The following NAA11 variants were observed in gnomAD, a reference collection of about 807,000 sequenced individuals.
The protein encoded by NAA11 is N-alpha-acetyltransferase 11.
In NAA11, 15 loss-of-function variants were observed where a neutral mutation model predicts 16.1. The ratio of observed to expected loss-of-function variants is 0.93; its 90% CI spans 0.62 to 1.44. The LOEUF is 1.44. Among genes scored for constraint, NAA11 ranks in the 40% most tolerant of loss-of-function variants. The pLI is 0.00. For missense variants in NAA11, 298 were observed against 291.3 expected, an observed-to-expected ratio of 1.02 and a Z score of -0.17; for synonymous variants, 122 against 112.4, an observed-to-expected ratio of 1.09 and a Z score of -0.54.
intron 2 of NAA11, among the ~76,000 whole-genome samples, chr4:79,242,203 C>T (rs903112681): frequency 5.3e-5 from 8 of 152,162 alleles, no homozygotes; most frequent in African/African-American, 1.9e-4. Context: ...CTTGTAAGCA[C>T]TACAGCAGTC....
At chr4:79,245,432 G>T (rs1721792124) in intron 2 of NAA11, 1 of 160,064 alleles carries the variant, frequency 6.2e-6, no homozygotes, top group African/African-American at 2.4e-5. Flanking sequence ...CTGCCCGGCC[G>T]CCACCCCGTC....
intron 2 of NAA11, among the ~76,000 whole-genome samples, chr4:79,248,270 G>T (rs1377889601): frequency 6.6e-6 from 1 of 151,986 alleles, no homozygotes; most frequent in African/African-American, 2.4e-5. Flanking sequence ...TCACCAGCCC[G>T]CCTGCACCTT....
At chr4:79,220,189 T>C in the NAA11 span, among the ~76,000 whole-genome samples, 4 of 152,272 alleles carry the variant, frequency 2.6e-5, no homozygotes, top group African/African-American at 9.6e-5. Flanking sequence ...GCTTCCTGGG[T>C]TCAAGTGATT....
the NAA11 span, among the ~76,000 whole-genome samples, chr4:79,163,209 G>C: frequency 6.6e-6 from 1 of 152,166 alleles, no homozygotes; most frequent in African/African-American, 2.4e-5. Context: ...GAAAAGGAAA[G>C]AAGACTTGGG....
At chr4:79,320,405 G>A (rs1468055083) in intron 1 of NAA11, among the ~76,000 whole-genome samples, 1 of 152,136 alleles carries the variant, frequency 6.6e-6, no homozygotes, top group African/African-American at 2.4e-5. Flanking sequence ...ATTTTACTGT[G>A]TGTGAGGAGT....
the NAA11 span, among the ~76,000 whole-genome samples, chr4:79,220,168 C>T: frequency 1.3e-5 from 2 of 152,356 alleles, no homozygotes; most frequent in South Asian, 4.1e-4. Flanking sequence ...TCTCGGCTCA[C>T]TGTAACCTCC....
At chr4:79,194,206 C>CG in the NAA11 span, among the ~76,000 whole-genome samples, 2 of 1,870 alleles carry the variant, frequency 1.1e-3, no homozygotes, top group Non-Finnish European at 4.3e-3. Flanking sequence ...TAATTGAATA[C>CG]TGTCGTTGGT....
chr4:79,254,472 C>T (rs566508417), intron 2 of NAA11, among the ~76,000 whole-genome samples: 1 of 152,076 alleles, frequency 6.6e-6, no homozygotes, highest in South Asian at 2.1e-4. Flanking sequence ...TATAACATAG[C>T]AATTATTATA....
intron 1 of NAA11, among the ~76,000 whole-genome samples, chr4:79,319,806 G>C (rs1042319771): frequency 6.6e-6 from 1 of 152,084 alleles, no homozygotes; most frequent in Non-Finnish European, 1.5e-5. Flanking sequence ...GTTATACTAC[G>C]AATTTACCAG....
At chr4:79,297,088 C>G (rs948750648) in intron 1 of NAA11, among the ~76,000 whole-genome samples, 1 of 152,170 alleles carries the variant, frequency 6.6e-6, no homozygotes, top group African/African-American at 2.4e-5. Flanking sequence ...AGGACCTGCT[C>G]CCAGGTCCAG....
At chr4:79,246,377 TAAA>T (rs869224539) in intron 2 of NAA11, among the ~76,000 whole-genome samples, 2 of 22,460 alleles carry the variant, frequency 8.9e-5, no homozygotes, top group African/African-American at 2.7e-4. Context: ...CAATAAATAC[TAAA>T]AAAAAAAAAA....
Position 79,265,729 on chromosome 4 carries a change from G to T in NAA11, c.*122+28276C>A, listed in dbSNP as rs1905534. On this transcript the variant is annotated intron_variant and NMD_transcript_variant, in intron 2 of 2. Transcript: ENST00000511542. Reference sequence around the variant, plus strand: ...AAGTTTTATGAAATAACACTGATCTGCCCTGCCTCACTCTCTTATCCCCAG... The same window carrying T: ...AAGTTTTATGAAATAACACTGATCTTCCCTGCCTCACTCTCTTATCCCCAG... 4.4e-3 allele frequency among the ~76,000 whole-genome samples: 665 copies of T among 151,338 alleles called. 2 individuals carry two copies. The highest frequency in any genetic ancestry group is 0.015 in the African/African-American group (628 of 41,294).
chr4:79,216,736 C>G, the NAA11 span, among the ~76,000 whole-genome samples: 1 of 152,028 alleles, frequency 6.6e-6, no homozygotes. Context: ...TGTTGACCAC[C>G]TCTTGTGTTT....
At chr4:79,157,642 C>A in the NAA11 span, among the ~76,000 whole-genome samples, 1 of 151,394 alleles carries the variant, frequency 6.6e-6, no homozygotes, top group African/African-American at 2.4e-5. Flanking sequence ...CCAAAGCCCT[C>A]ACCAAAATTG....
chr4:79,226,790 G>T (rs1328157814), intron 2 of NAA11, among the ~76,000 whole-genome samples: 2 of 151,894 alleles, frequency 1.3e-5, no homozygotes, highest in African/African-American at 2.4e-5. Flanking sequence ...AGTATTCCAT[G>T]GTGTATATGT....
At chr4:79,205,044 C>T in the NAA11 span, among the ~76,000 whole-genome samples, 3 of 151,782 alleles carry the variant, frequency 2.0e-5, no homozygotes, top group Non-Finnish European at 2.9e-5. Flanking sequence ...ATACACACCA[C>T]ATTTTCTTTA....
the NAA11 span, among the ~76,000 whole-genome samples, chr4:79,164,074 AT>A: frequency 4.0e-5 from 6 of 149,734 alleles, no homozygotes; most frequent in African/African-American, 9.8e-5. Flanking sequence ...TTGCTACTGT[AT>A]TTTTTTTTAG....
chr4:79,297,282 G>T (rs956226200), intron 1 of NAA11, among the ~76,000 whole-genome samples: 2 of 152,216 alleles, frequency 1.3e-5, no homozygotes, highest in Admixed American at 1.3e-4. Flanking sequence ...CTGTGATGGA[G>T]CCAGGCTGAG....
chr4:79,273,052 A>G (rs1470731714), intron 2 of NAA11, among the ~76,000 whole-genome samples: 4 of 151,986 alleles, frequency 2.6e-5, no homozygotes, highest in Non-Finnish European at 5.9e-5. Flanking sequence ...GAGGAAAAAT[A>G]GAAACTGCCA....
Sources: gnomAD v4.1 joint callset for allele counts (sites outside exome capture counted in the v4.1 genomes callset) on GRCh38, gnomAD v4.1.1 for gene constraint, MANE v1.5 for transcripts, NCBI Gene and HGNC (gene_info 2026-07-23, HGNC 2026-07-21) for gene names.